SLC16A7: variants seen among roughly 807,000 people sequenced by gnomAD.
SLC16A7 encodes solute carrier family 16 member 7.
SLC16A7 carries 33 observed loss-of-function variants against 34.9 expected under a neutral mutation model. The observed-to-expected ratio is 0.94, with a 90% CI of 0.72 to 1.26. The LOEUF is 1.26. SLC16A7 is among the 50% of genes most tolerant of loss of function. SLC16A7 has a pLI of 0.00. For missense variants in SLC16A7, 573 were observed against 578.1 expected (o/e 0.99, Z 0.09); for synonymous variants, 201 against 206.6 (o/e 0.97, Z 0.23).
chr12:59,618,959 G>A (rs1879580106), intron 1 of SLC16A7, among the ~76,000 whole-genome samples: 1 of 151,948 alleles, frequency 6.6e-6, no homozygotes, highest in African/African-American at 2.4e-5. Flanking sequence ...TTCTGCTCCT[G>A]TATTTTCCCA....
At chr12:59,637,805 C>T (rs1190908843) in intron 1 of SLC16A7, among the ~76,000 whole-genome samples, 1 of 152,068 alleles carries the variant, frequency 6.6e-6, no homozygotes, top group Non-Finnish European at 1.5e-5. Flanking sequence ...AAGGGCTCTG[C>T]CTTCATAAGT....
chr12:59,737,509 G>A (rs931161387), intron 3 of SLC16A7, among the ~76,000 whole-genome samples: 4 of 152,058 alleles, frequency 2.6e-5, no homozygotes, highest in African/African-American at 9.7e-5. Context: ...GTCCTCTTAG[G>A]CATTTGATTA....
chr12:59,653,208 C>T (rs1036602379), intron 1 of SLC16A7, among the ~76,000 whole-genome samples: 1 of 151,400 alleles, frequency 6.6e-6, no homozygotes, highest in African/African-American at 2.4e-5. Flanking sequence ...TAGAGAAAAA[C>T]CAGGGAATTT....
chr12:59,750,787 A>G (rs1281283548), intron 3 of SLC16A7, among the ~76,000 whole-genome samples: 1 of 152,192 alleles, frequency 6.6e-6, no homozygotes, highest in Non-Finnish European at 1.5e-5. Context: ...ACTGTTCACA[A>G]TAGCAAAGAC....
intron 3 of SLC16A7, among the ~76,000 whole-genome samples, chr12:59,717,228 G>C (rs1297785763): frequency 6.6e-6 from 1 of 152,124 alleles, no homozygotes; most frequent in Non-Finnish European, 1.5e-5. Context: ...TGTTATGTGG[G>C]ACAAATTTTC....
rs907502455 is a variant in SLC16A7, at chr12:59,712,291, C to A, written c.217+7273C>A. On this transcript the variant is annotated intron_variant, in intron 3 of 5. Transcript: ENST00000547379. ...AATCTGTGCCAATAACATTTAAAAA[C>A]GACTGGAAATGCAAGAAATAAATAG... is the stretch of plus-strand genomic sequence containing the variant. Among the ~76,000 whole-genome samples the A allele has an allele frequency of 9.8e-4, 149 of 152,172 alleles. 1 individual carries two copies. The highest frequency in any genetic ancestry group is 1.8e-3 in the Non-Finnish European group (125 of 68,018).
At chr12:59,733,668 G>T (rs1391888040) in intron 3 of SLC16A7, 1 of 455,206 alleles carries the variant, frequency 2.2e-6, no homozygotes, top group Admixed American at 2.3e-5. Context: ...CAATCCCGGA[G>T]TGTTTCAGCC....
intron 2 of SLC16A7, among the ~76,000 whole-genome samples, chr12:59,668,862 T>C (rs1592458671): frequency 6.6e-6 from 1 of 152,186 alleles, no homozygotes; most frequent in Non-Finnish European, 1.5e-5. Context: ...GCGGGTATTC[T>C]TGTGATAGTG....
chr12:59,688,217 A>G (rs1232677078), intron 2 of SLC16A7, among the ~76,000 whole-genome samples: 1 of 152,036 alleles, frequency 6.6e-6, no homozygotes, highest in Non-Finnish European at 1.5e-5. Context: ...GGAAGCACAT[A>G]GCTGGAATGG....
At chr12:59,698,085 GA>G (rs1368409014) in intron 2 of SLC16A7, among the ~76,000 whole-genome samples, 1 of 151,600 alleles carries the variant, frequency 6.6e-6, no homozygotes, top group Non-Finnish European at 1.5e-5. Flanking sequence ...GGAGAATCAG[GA>G]ATTTGGAGCA....
At chr12:59,762,509 G>T (rs180904070) in intron 3 of SLC16A7, among the ~76,000 whole-genome samples, 1 of 152,002 alleles carries the variant, frequency 6.6e-6, no homozygotes, top group African/African-American at 2.4e-5. Context: ...CAAATTGTCC[G>T]TAAGGGACAT....
intron 3 of SLC16A7, among the ~76,000 whole-genome samples, chr12:59,765,465 G>A (rs1408604353): frequency 6.6e-6 from 1 of 152,220 alleles, no homozygotes; most frequent in Middle Eastern, 3.4e-3. Flanking sequence ...TATGGTTTTA[G>A]GTCTAACATG....
chr12:59,755,702 A>T (rs138470416), intron 3 of SLC16A7, among the ~76,000 whole-genome samples: 1 of 152,138 alleles, frequency 6.6e-6, no homozygotes, highest in Non-Finnish European at 1.5e-5. Context: ...TCTAGTTTCA[A>T]TGCCATCCCC....
At chr12:59,635,179 C>T (rs1410996205) in intron 1 of SLC16A7, among the ~76,000 whole-genome samples, 2 of 152,070 alleles carry the variant, frequency 1.3e-5, no homozygotes, top group Non-Finnish European at 2.9e-5. Flanking sequence ...GCTCTAAATT[C>T]TCATTACATG....
At position 59,655,531 on chromosome 12, in the gene SLC16A7, T is replaced by G. The variant is rs563111024; in HGVS notation, c.-31+281T>G. 6.9e-4 allele frequency among the ~76,000 whole-genome samples: 105 copies of G among 152,030 alleles called. 1 individual carries two copies. Among genetic ancestry groups the G allele is most frequent in the African/African-American group, 2.3e-3 (96 of 41,524 alleles). On this transcript the variant is annotated intron_variant, in intron 2 of 5. Coordinates refer to ENST00000547379, the MANE Select transcript of SLC16A7 (RefSeq NM_001270623.2). ...TTCCTTCATTTAAATGATTATAAAG[T>G]AGTAAATGATAAAGTTTCAATAATA...
chr12:59,607,453 A>T (rs1291011497), intron 1 of SLC16A7, among the ~76,000 whole-genome samples: 1 of 152,212 alleles, frequency 6.6e-6, no homozygotes, highest in Non-Finnish European at 1.5e-5. Context: ...TGGGACGCTG[A>T]TTCTTAAACT....
chr12:59,738,657 T>C (rs1392705501), intron 3 of SLC16A7, among the ~76,000 whole-genome samples: 1 of 152,168 alleles, frequency 6.6e-6, no homozygotes, highest in Admixed American at 6.5e-5. Context: ...GGGAATAGTA[T>C]TGACCCACAG....
chr12:59,638,882 G>A (rs1440735278), intron 1 of SLC16A7, among the ~76,000 whole-genome samples: 1 of 152,054 alleles, frequency 6.6e-6, no homozygotes, highest in Non-Finnish European at 1.5e-5. Flanking sequence ...TAAACATTAA[G>A]TTTTAATTTA....
At chr12:59,604,563 A>C (rs943022273) in intron 1 of SLC16A7, among the ~76,000 whole-genome samples, 1 of 152,252 alleles carries the variant, frequency 6.6e-6, no homozygotes, top group African/African-American at 2.4e-5. Flanking sequence ...AGCTTTAAGT[A>C]AGAATAGCTT....
Sources: allele counts gnomAD v4.1 joint callset (sites outside exome capture counted in the v4.1 genomes callset), GRCh38; gene constraint gnomAD v4.1.1; transcripts MANE v1.5; gene names NCBI Gene and HGNC (gene_info 2026-07-23, HGNC 2026-07-21).